Variants in IL1RAPL1 observed in about 807,000 individuals in gnomAD.
The protein encoded by IL1RAPL1 is interleukin 1 receptor accessory protein like 1.
A neutral mutation model predicts 48.4 loss-of-function variants in IL1RAPL1; 3 were observed. The ratio of observed to expected loss-of-function variants is 0.06; its 90% confidence interval spans 0.03 to 0.16. The LOEUF is 0.16. Among genes scored for constraint, IL1RAPL1 ranks in the 10% least tolerant of loss-of-function variants. The probability of loss-of-function intolerance (pLI) is 1.00; values close to 1 mark genes in which losing one functional copy is unlikely to be tolerated. For missense variants in IL1RAPL1, 349 were observed against 530.6 expected (o/e 0.66, Z 3.36); for synonymous variants, 185 against 187.7 (o/e 0.99, Z 0.12).
intron 2 of IL1RAPL1, among the ~76,000 whole-genome samples, chrX:29,191,394 AAAG>A (rs1485043121): frequency 2.7e-5 from 3 of 111,583 alleles, no homozygotes; most frequent in African/African-American, 9.8e-5. Flanking sequence ...TCAGGAGAAA[AAAG>A]AAAAGCCCTC....
intron 1 of IL1RAPL1, among the ~76,000 whole-genome samples, chrX:28,754,829 C>T (rs987305689): frequency 8.9e-6 from 1 of 111,901 alleles, no homozygotes; most frequent in African/African-American, 3.2e-5. Context: ...GAATGAAGCA[C>T]GGATATAAAA....
intron 2 of IL1RAPL1, among the ~76,000 whole-genome samples, chrX:29,092,251 T>C (rs1928107569): frequency 9.0e-6 from 1 of 111,680 alleles, no homozygotes; most frequent in Non-Finnish European, 1.9e-5. Context: ...AGTAGCCAAG[T>C]CTTTCTTATT....
At chrX:29,354,155 C>T (rs1242894890) in intron 3 of IL1RAPL1, among the ~76,000 whole-genome samples, 1 of 110,552 alleles carries the variant, frequency 9.0e-6, no homozygotes, top group Non-Finnish European at 1.9e-5. Flanking sequence ...CAAAGAAGCT[C>T]AGAGAAGTGA....
chrX:29,580,576 C>T (rs903252725), intron 5 of IL1RAPL1, among the ~76,000 whole-genome samples: 6 of 111,928 alleles, frequency 5.4e-5, no homozygotes, highest in Non-Finnish European at 9.4e-5. Flanking sequence ...AATTCTCACT[C>T]CGTTATCCGT....
At chrX:29,457,880 A>G (rs1934757825) in intron 5 of IL1RAPL1, among the ~76,000 whole-genome samples, 1 of 112,255 alleles carries the variant, frequency 8.9e-6, no homozygotes, top group African/African-American at 3.2e-5. Context: ...CTTTTCAAAT[A>G]GCTGTTCTGA....
At chrX:29,525,150 T>G (rs1935540549) in intron 5 of IL1RAPL1, among the ~76,000 whole-genome samples, 1 of 112,275 alleles carries the variant, frequency 8.9e-6, no homozygotes, top group African/African-American at 3.2e-5. Context: ...TTAGAATTGC[T>G]TTCACAGGCC....
At chrX:29,047,195 C>CTTGTCTCT (rs1391226465) in intron 2 of IL1RAPL1, among the ~76,000 whole-genome samples, 2 of 112,465 alleles carry the variant, frequency 1.8e-5, no homozygotes, top group African/African-American at 6.5e-5. Context: ...TAAATAAAGA[C>CTTGTCTCT]TTGTCTCTAC....
At chrX:29,264,103 C>A (rs1931911309) in intron 2 of IL1RAPL1, among the ~76,000 whole-genome samples, 1 of 110,778 alleles carries the variant, frequency 9.0e-6, no homozygotes, top group Non-Finnish European at 1.9e-5. Flanking sequence ...CATGTTAAGG[C>A]AGTGGATAAA....
intron 2 of IL1RAPL1, among the ~76,000 whole-genome samples, chrX:29,151,309 A>G (rs770316813): frequency 2.7e-5 from 3 of 112,053 alleles, no homozygotes; most frequent in Non-Finnish European, 5.6e-5. Flanking sequence ...TAAGTTGCCA[A>G]TTCCTATCTG....
intron 5 of IL1RAPL1, among the ~76,000 whole-genome samples, chrX:29,616,823 T>G (rs1924303805): frequency 8.9e-6 from 1 of 111,827 alleles, no homozygotes; most frequent in African/African-American, 3.3e-5. Flanking sequence ...GAAAGGGGAA[T>G]GGATTCATTG....
chrX:29,515,833 T>C (rs1939543632), intron 5 of IL1RAPL1, among the ~76,000 whole-genome samples: 1 of 111,130 alleles, frequency 9.0e-6, no homozygotes, highest in African/African-American at 3.3e-5. Flanking sequence ...ACTACAGGCA[T>C]GTACCACCAC....
chrX:29,493,830 CCACTCCCCA>C (rs1935184582), intron 5 of IL1RAPL1, among the ~76,000 whole-genome samples: 1 of 110,972 alleles, frequency 9.0e-6, no homozygotes, highest in Non-Finnish European at 1.9e-5. Flanking sequence ...TCCCCTTCCC[CCACTCCCCA>C]CACTAGAAGT....
chrX:29,292,334 T>G (rs1454495122), intron 3 of IL1RAPL1, among the ~76,000 whole-genome samples: 1 of 111,832 alleles, frequency 8.9e-6, no homozygotes, highest in Admixed American at 9.5e-5. Flanking sequence ...GTATTTCAGA[T>G]GACAATTTTC....
intron 1 of IL1RAPL1, among the ~76,000 whole-genome samples, chrX:28,702,746 G>A (rs909430064): frequency 8.1e-5 from 9 of 110,647 alleles, no homozygotes; most frequent in Non-Finnish European, 1.5e-4. Flanking sequence ...TAAGATGATC[G>A]TAGACACACC....
intron 2 of IL1RAPL1, among the ~76,000 whole-genome samples, chrX:28,879,535 A>G (rs1195966651): frequency 8.9e-6 from 1 of 111,863 alleles, no homozygotes; most frequent in East Asian, 2.8e-4. Flanking sequence ...TTGAAAAATC[A>G]TACATAAAAA....
intron 2 of IL1RAPL1, among the ~76,000 whole-genome samples, chrX:28,984,687 AT>A (rs1157545370): frequency 9.0e-6 from 1 of 110,907 alleles, no homozygotes; most frequent in Admixed American, 9.7e-5. Flanking sequence ...CTCTTTATCC[AT>A]TATCCCCACA....
chrX:29,450,477 A>C (rs1934666625), intron 5 of IL1RAPL1, among the ~76,000 whole-genome samples: 1 of 111,815 alleles, frequency 8.9e-6, no homozygotes, highest in African/African-American at 3.2e-5. Flanking sequence ...GCTGTGTTCC[A>C]ATAAAATTTT....
chrX:28,776,108 A>C (rs1788197973), intron 1 of IL1RAPL1, among the ~76,000 whole-genome samples: 1 of 111,870 alleles, frequency 8.9e-6, no homozygotes, highest in African/African-American at 3.2e-5. Flanking sequence ...CATGGAATAT[A>C]TTGGTCAATG....
At chrX:29,039,785 C>CAAAAAAAAAAAAAAAAA (rs35505034) in intron 2 of IL1RAPL1, among the ~76,000 whole-genome samples, 1 of 61,906 alleles carries the variant, frequency 1.6e-5, no homozygotes, top group African/African-American at 5.9e-5. Flanking sequence ...TAACAATCCT[C>CAAAAAAAAAAAAAAAAA]AAAAAAAAAA....
Sources: allele counts gnomAD v4.1 joint callset (sites outside exome capture counted in the v4.1 genomes callset), GRCh38; gene constraint gnomAD v4.1.1; transcripts MANE v1.5; gene names NCBI Gene and HGNC (gene_info 2026-07-23, HGNC 2026-07-21).